Variants in UGT1A5 observed in about 807,000 individuals in gnomAD.
The protein encoded by UGT1A5 is UDP glucuronosyltransferase family 1 member A5.
Under a neutral mutation model 40.3 loss-of-function variants are expected in UGT1A5, and 29 were observed. That is an observed-to-expected ratio of 0.72 (90% CI 0.54 to 0.98). The LOEUF (loss-of-function observed/expected upper bound fraction) is 0.98, where lower values mean the gene tolerates loss of function less well. UGT1A5 is among the 50% of genes least tolerant of loss of function. The pLI is 0.00. For synonymous variants in UGT1A5, 257 were observed against 262.5 expected (o/e 0.98, Z 0.20); for missense variants, 678 against 677.9 (o/e 1.00, Z 0.00).
Position 233,760,202 on chromosome 2 carries a change from A to C in UGT1A5, c.868-6832A>C, listed in dbSNP as rs1457649665. ...TTTTATAGTCACGTGACACAGTCAA[A>C]CATTAACTTGGTGTATCGATTGGTT... On this transcript the variant is annotated intron_variant, in intron 1 of 4. Transcript: ENST00000373414. 3.2e-6 allele frequency: 5 copies of C among 1,583,728 alleles called. No homozygotes were observed. The Admixed American group carries it at 8.5e-5, about 27-fold the overall frequency.
At chr2:233,734,824 TTGAG>T (rs1349043445) in intron 1 of UGT1A5, among the ~76,000 whole-genome samples, 2 of 152,248 alleles carry the variant, frequency 1.3e-5, no homozygotes, top group African/African-American at 4.8e-5. Flanking sequence ...TTGTGCGATT[TTGAG>T]TGAGTTTCTT....
chr2:233,740,944 C>A (rs1030329888), intron 1 of UGT1A5: 6 of 151,278 alleles, frequency 4.0e-5, no homozygotes, highest in African/African-American at 1.5e-4. Flanking sequence ...TTTTAATTAG[C>A]TAGGTGTGGT....
In UGT1A5 at chr2:233,754,546, T is replaced by C. The variant is rs548396817; in HGVS notation, c.868-12488T>C. The C allele has an allele frequency of 8.9e-5, 34 of 380,532 alleles. No homozygotes were observed. In the Middle Eastern group the frequency reaches 1.9e-3, roughly 21 times the overall value. 23.6% of individuals were successfully genotyped at this position (380,532 alleles called of 1,614,324 possible). A position where few individuals can be genotyped will look rare whatever the true frequency, so the allele number is the denominator to read the frequency against. On this transcript the variant is annotated intron_variant, in intron 1 of 4. Transcript: ENST00000373414. ...AAAGGCAAATGTGGACTGGAATTAC[T>C]TGGTGTCAATGGGGAGCAACTGCTC...
At chr2:233,713,944 A>G (rs2076357892) in intron 1 of UGT1A5, 86 bp downstream of exon 1, 2 of 1,609,792 alleles carry the variant, frequency 1.2e-6, no homozygotes, top group East Asian at 2.2e-5. Flanking sequence ...TTCCATATCT[A>G]CTTATCTTTC....
intron 1 of UGT1A5, among the ~76,000 whole-genome samples, chr2:233,720,765 G>A (rs924654147): frequency 1.3e-5 from 2 of 151,260 alleles, no homozygotes; most frequent in African/African-American, 4.9e-5. Context: ...GAGGGCAGTG[G>A]CCGGATCTCC....
chr2:233,744,127 T>G, intron 1 of UGT1A5: 2 of 357,210 alleles, frequency 5.6e-6, no homozygotes, highest in South Asian at 4.6e-5. Context: ...TGAGGCTCTG[T>G]GAGGCCCTGT....
rs762109713 is a variant in UGT1A5, at chr2:233,760,481, C to T, written c.868-6553C>T. On this transcript the variant is annotated intron_variant, in intron 1 of 4. Coordinates refer to ENST00000373414, the MANE Select transcript of UGT1A5 (RefSeq NM_019078.2). ...ATAGTTGTCCTAGCACCTGACGCCT[C>T]GTTGTACATCAGAGACGGAGCATTT... 4.0e-5 allele frequency: 65 copies of T among 1,614,070 alleles called. No individual in the cohort carries two copies. The highest frequency in any genetic ancestry group is 5.3e-5 in the African/African-American group (4 of 74,932).
At position 233,713,607 on chromosome 2, in the gene UGT1A5, A is replaced by T. The variant is rs1428471201; in HGVS notation, c.616A>T (p.Thr206Ser). ...RLLTTNSDHM[T>S]FLQRVKNMLY... ...ACTAACGACCAATTCAGACCACATG[A>T]CATTCCTGCAAAGGGTCAAGAACAT... The change falls in exon 1 of 5, where the codon ACA becomes TCA. Residue 206 changes from threonine (T) to serine (S), a missense_variant. By Grantham distance (58) the Thr-to-Ser change is moderately conservative. Transcript: ENST00000373414. 6 of 1,613,982 alleles carry T rather than the reference A, an allele frequency of 3.7e-6. No individual in the cohort carries two copies.
chr2:233,735,492 A>G (rs997363481), intron 1 of UGT1A5, among the ~76,000 whole-genome samples: 3 of 152,118 alleles, frequency 2.0e-5, no homozygotes, highest in African/African-American at 7.2e-5. Flanking sequence ...TTTTAATTGC[A>G]GCATTTAGCC....
chr2:233,733,853 T>C (rs2078444746), intron 1 of UGT1A5, among the ~76,000 whole-genome samples: 1 of 152,132 alleles, frequency 6.6e-6, no homozygotes, highest in South Asian at 2.1e-4. Flanking sequence ...TCTTTTTCTA[T>C]TGATTGGAAT....
chr2:233,735,879 G>A (rs1213973999), intron 1 of UGT1A5, among the ~76,000 whole-genome samples: 1 of 152,086 alleles, frequency 6.6e-6, no homozygotes, highest in Non-Finnish European at 1.5e-5. Flanking sequence ...AGAGAGATCT[G>A]CTGTTAGTCT....
chr2:233,718,680 G>A (rs2076674900), intron 1 of UGT1A5: 2 of 1,570,166 alleles, frequency 1.3e-6, no homozygotes, highest in Non-Finnish European at 1.7e-6. Flanking sequence ...TGGGTAATAA[G>A]TAACTGGAGG....
At position 233,747,166 on chromosome 2, in the gene UGT1A5, G is replaced by C. The variant is rs1272270999; in HGVS notation, c.868-19868G>C. The C allele has an allele frequency of 9.4e-6, 15 of 1,592,462 alleles. No individual in the cohort carries two copies. In the East Asian group the frequency reaches 2.9e-4, roughly 31 times the overall value. On this transcript the variant is annotated intron_variant, in intron 1 of 4. Coordinates refer to ENST00000373414, the MANE Select transcript of UGT1A5 (RefSeq NM_019078.2). ...ATTAAGATGAAGAAAACAAATGTAG[G>C]AGGCACAGCGTGGGGTGGACAGTCA...
intron 1 of UGT1A5, among the ~76,000 whole-genome samples, chr2:233,762,621 C>T (rs1374321731): frequency 6.6e-6 from 1 of 152,118 alleles, no homozygotes; most frequent in Non-Finnish European, 1.5e-5. Context: ...TTGTTGTGAC[C>T]TCAAACACTT....
chr2:233,733,677 AC>A, intron 1 of UGT1A5, among the ~76,000 whole-genome samples: 1 of 152,244 alleles, frequency 6.6e-6, no homozygotes, highest in South Asian at 2.1e-4. Context: ...ATGTGGATAA[AC>A]TTTTTGATGT....
At chr2:233,724,647 T>C (rs1247687172) in intron 1 of UGT1A5, among the ~76,000 whole-genome samples, 4 of 137,372 alleles carry the variant, frequency 2.9e-5, no homozygotes, top group African/African-American at 1.1e-4. Context: ...TGATGGCGGC[T>C]GGGAAGAGGC....
intron 1 of UGT1A5, among the ~76,000 whole-genome samples, chr2:233,756,565 C>T (rs1696262040): frequency 6.6e-6 from 1 of 152,126 alleles, no homozygotes; most frequent in East Asian, 1.9e-4. Context: ...GAGATCCTCT[C>T]AGACAAAAGG....
chr2:233,724,284 G>A (rs1369103408), intron 1 of UGT1A5, among the ~76,000 whole-genome samples: 103 of 126,932 alleles, frequency 8.1e-4, no homozygotes, highest in Middle Eastern at 4.7e-3. Context: ...GGCCGGGCGG[G>A]GGGCTGACCC....
chr2:233,720,447 A>G lies in UGT1A5; in HGVS notation c.867+6589A>G, dbSNP rs148666216. Among the ~76,000 whole-genome samples the G allele has an allele frequency of 8.6e-4, 131 of 152,258 alleles. 1 individual carries two copies. The highest frequency in any genetic ancestry group is 3.8e-4 in the Non-Finnish European group (26 of 68,020). On this transcript the variant is annotated intron_variant, in intron 1 of 4. Coordinates refer to ENST00000373414, the MANE Select transcript of UGT1A5 (RefSeq NM_019078.2). ...GATAAGACCGTGAATCTATAAGCCC[A>G]GTGAAGCTGGGACCAGTGATGAATG...
Sources: allele counts gnomAD v4.1 joint callset (sites outside exome capture counted in the v4.1 genomes callset), GRCh38; gene constraint gnomAD v4.1.1; transcripts MANE v1.5; gene names NCBI Gene and HGNC (gene_info 2026-07-23, HGNC 2026-07-21).